Variants in DOCK3 observed in about 807,000 individuals in gnomAD.
The protein encoded by DOCK3 is dedicator of cytokinesis protein 3.
A neutral mutation model predicts 265.6 loss-of-function variants in DOCK3; 60 were observed. The ratio of observed to expected loss-of-function variants is 0.23; its 90% CI spans 0.18 to 0.28. The LOEUF (loss-of-function observed/expected upper bound fraction) is 0.28. DOCK3 is among the 10% of genes least tolerant of loss of function. DOCK3 has a pLI of 1.00. For missense variants in DOCK3, 1,981 were observed against 2,594.3 expected, an observed-to-expected ratio of 0.76 and a Z score of 5.14; for synonymous variants, 881 against 938.0, an observed-to-expected ratio of 0.94 and a Z score of 1.11.
chr3:50,722,758 T>C (rs1023956258), intron 1 of DOCK3, among the ~76,000 whole-genome samples: 1 of 130,370 alleles, frequency 7.7e-6, no homozygotes, highest in Non-Finnish European at 1.6e-5. Context: ...GGGAATTTCT[T>C]TCTTTTTCTT....
At chr3:51,174,471 AAAAT>A (rs372524349) in intron 12 of DOCK3, among the ~76,000 whole-genome samples, 23 of 150,218 alleles carry the variant, frequency 1.5e-4, no homozygotes, top group African/African-American at 3.2e-4. Context: ...TCTTGTCTCA[AAAAT>A]AAATAAATAA....
At chr3:51,292,409 A>C (rs1400186688) in intron 27 of DOCK3, among the ~76,000 whole-genome samples, 1 of 152,214 alleles carries the variant, frequency 6.6e-6, no homozygotes, top group Non-Finnish European at 1.5e-5. Flanking sequence ...CAGATTCAGT[A>C]AAATTGCAGG....
At chr3:51,145,335 C>T (rs989878257) in intron 9 of DOCK3, among the ~76,000 whole-genome samples, 1 of 151,976 alleles carries the variant, frequency 6.6e-6, no homozygotes, top group African/African-American at 2.4e-5. Flanking sequence ...CCCATTAACT[C>T]GTTATTTAGC....
chr3:51,286,245 A>C (rs2081396794), intron 27 of DOCK3, among the ~76,000 whole-genome samples: 1 of 152,198 alleles, frequency 6.6e-6, no homozygotes, highest in East Asian at 1.9e-4. Flanking sequence ...AGTATCTAGG[A>C]ATAAAACTAA....
chr3:51,271,022 G>A lies in DOCK3; in HGVS notation c.2548+15G>A, dbSNP rs755919743. ...TTCTTTCTCAGGTAAATCAAGTTGGGATGAGAGTCCTCCTTCCTTCCAGGG... is the reference window on the plus strand; with the variant it reads ...TTCTTTCTCAGGTAAATCAAGTTGGAATGAGAGTCCTCCTTCCTTCCAGGG... On this transcript the variant is annotated intron_variant, in intron 24 of 52. Coordinates refer to ENST00000266037, the MANE Select transcript of DOCK3 (RefSeq NM_004947.5). The A allele has an allele frequency of 3.7e-6, 6 of 1,606,386 alleles. No individual in the cohort carries two copies. The highest frequency in any genetic ancestry group is 2.2e-5 in the East Asian group (1 of 44,770).
rs189689893 is a variant in DOCK3, at chr3:51,343,251, G to A, written c.3915+1866G>A. 2.8e-4 allele frequency among the ~76,000 whole-genome samples: 43 copies of A among 152,296 alleles called. 1 individual carries two copies. Among genetic ancestry groups the A allele is most frequent in the Admixed American group, 2.4e-3 (37 of 15,298 alleles). ...GAGTTTCTAGCTCTCAACACTGCCA[G>A]CACACCCTGCCTCACAAGGCAAGCC... On this transcript the variant is annotated intron_variant, in intron 38 of 52. Transcript: ENST00000266037.
intron 9 of DOCK3, among the ~76,000 whole-genome samples, chr3:51,112,654 T>A (rs917040688): frequency 1.3e-5 from 2 of 152,176 alleles, no homozygotes; most frequent in Non-Finnish European, 2.9e-5. Flanking sequence ...GACTTGTTTT[T>A]AGAGGTATGT....
chr3:51,221,438 C>A (rs919252713), intron 14 of DOCK3, among the ~76,000 whole-genome samples: 1 of 152,160 alleles, frequency 6.6e-6, no homozygotes, highest in Non-Finnish European at 1.5e-5. Context: ...TTTTCTTTTA[C>A]ATTTTAAAAG....
At chr3:50,817,618 AT>A (rs1389945789) in intron 2 of DOCK3, among the ~76,000 whole-genome samples, 1 of 151,976 alleles carries the variant, frequency 6.6e-6, no homozygotes, top group Non-Finnish European at 1.5e-5. Flanking sequence ...TTCTAAGAGC[AT>A]TTTCTCACTA....
At chr3:51,144,142 C>G (rs1044075676) in intron 9 of DOCK3, among the ~76,000 whole-genome samples, 1 of 152,166 alleles carries the variant, frequency 6.6e-6, no homozygotes, top group African/African-American at 2.4e-5. Flanking sequence ...AATTAATTGA[C>G]TATGTGTATG....
At chr3:51,172,436 A>G (rs953006268) in intron 12 of DOCK3, among the ~76,000 whole-genome samples, 9 of 152,166 alleles carry the variant, frequency 5.9e-5, no homozygotes, top group African/African-American at 1.7e-4. Flanking sequence ...TTGGCCTCCC[A>G]AAGTGCTGGG....
At chr3:51,038,693 T>G (rs56052138) in intron 5 of DOCK3, among the ~76,000 whole-genome samples, 1 of 152,330 alleles carries the variant, frequency 6.6e-6, no homozygotes, top group Non-Finnish European at 1.5e-5. Flanking sequence ...CAGTTTCTTT[T>G]GGACCCCAAG....
chr3:51,256,720 A>G (rs527382805), intron 22 of DOCK3, among the ~76,000 whole-genome samples: 1 of 151,436 alleles, frequency 6.6e-6, no homozygotes, highest in East Asian at 1.9e-4. Flanking sequence ...CAGCCTCCCA[A>G]GTAGCTGGGA....
chr3:50,834,933 T>G (rs1023294191), intron 2 of DOCK3, among the ~76,000 whole-genome samples: 1 of 152,196 alleles, frequency 6.6e-6, no homozygotes, highest in African/African-American at 2.4e-5. Flanking sequence ...ACTATTAATG[T>G]CACACCCAAT....
intron 14 of DOCK3, among the ~76,000 whole-genome samples, chr3:51,219,272 A>C (rs2089957693): frequency 6.6e-6 from 1 of 152,124 alleles, no homozygotes; most frequent in Admixed American, 6.5e-5. Flanking sequence ...TCTGACGCAG[A>C]GATGAAGATA....
intron 5 of DOCK3, among the ~76,000 whole-genome samples, chr3:50,957,992 C>A (rs2076774767): frequency 6.6e-6 from 1 of 152,028 alleles, no homozygotes; most frequent in African/African-American, 2.4e-5. Context: ...AAGTTGGTTT[C>A]TTTCTGTAGA....
intron 38 of DOCK3, among the ~76,000 whole-genome samples, chr3:51,346,040 T>C (rs2085540369): frequency 6.6e-6 from 1 of 152,192 alleles, no homozygotes; most frequent in Non-Finnish European, 1.5e-5. Flanking sequence ...TCTATATGCT[T>C]AAATTTCCTA....
At position 50,962,118 on chromosome 3, in the gene DOCK3, A is replaced by C. The variant is rs151030080; in HGVS notation, c.315+28041A>C. ...CTGCACCCATCAACCCATCATCTAC[A>C]TTAGGTATTTCTCCTAATGCTATCC... On this transcript the variant is annotated intron_variant, in intron 5 of 52. Coordinates refer to ENST00000266037, the MANE Select transcript of DOCK3 (RefSeq NM_004947.5). 1.3e-4 allele frequency among the ~76,000 whole-genome samples: 20 copies of C among 152,144 alleles called. No homozygotes were observed. The East Asian group carries it at 3.7e-3, about 28-fold the overall frequency.
intron 2 of DOCK3, among the ~76,000 whole-genome samples, chr3:50,801,603 G>A (rs977718687): frequency 6.6e-6 from 1 of 152,152 alleles, no homozygotes; most frequent in Non-Finnish European, 1.5e-5. Flanking sequence ...TTTGAGACTT[G>A]TTTTGTGTCC....
Sources: gnomAD v4.1 joint callset for allele counts (sites outside exome capture counted in the v4.1 genomes callset) on GRCh38, gnomAD v4.1.1 for gene constraint, MANE v1.5 for transcripts, NCBI Gene and HGNC (gene_info 2026-07-23, HGNC 2026-07-21) for gene names.